Variants in RIC8B observed in about 807,000 individuals in gnomAD.
RIC8B encodes RIC8 guanine nucleotide exchange factor B.
A neutral mutation model predicts 57.5 loss-of-function variants in RIC8B; 16 were observed. The observed-to-expected ratio is 0.28, with a 90% confidence interval of 0.19 to 0.42. RIC8B has a LOEUF of 0.42. RIC8B is among the 10% of genes least tolerant of loss of function. The pLI, the probability that RIC8B is intolerant of heterozygous loss-of-function variation, is 1.00. For missense variants in RIC8B, 481 were observed against 677.0 expected, an observed-to-expected ratio of 0.71 and a Z score of 3.21; for synonymous variants, 216 against 250.8, an observed-to-expected ratio of 0.86 and a Z score of 1.31.
Position 106,862,924 on chromosome 12 carries a change from A to G in RIC8B, c.1451+2512A>G, listed in dbSNP as rs961541876. Reference sequence around the variant, plus strand: ...TAGCACACTTAGAGAAAATATACTCATAGAATTGAGTTACATGCCACATAA... The same window carrying G: ...TAGCACACTTAGAGAAAATATACTCGTAGAATTGAGTTACATGCCACATAA... On this transcript the variant is annotated intron_variant, in intron 8 of 9. Transcript: ENST00000392837. Among the ~76,000 whole-genome samples the G allele has an allele frequency of 2.6e-5, 4 of 152,134 alleles. No individual in the cohort carries two copies. In the East Asian group the frequency reaches 7.7e-4, roughly 29 times the overall value.
chr12:106,821,193 A>G (rs541299252), intron 3 of RIC8B, among the ~76,000 whole-genome samples: 67 of 152,336 alleles, frequency 4.4e-4, no homozygotes, highest in South Asian at 1.0e-3. Context: ...AGTTTAAATT[A>G]CTTAAGGAAA....
At chr12:106,794,595 C>T (rs545704140) in intron 2 of RIC8B, among the ~76,000 whole-genome samples, 2 of 151,990 alleles carry the variant, frequency 1.3e-5, no homozygotes, top group African/African-American at 4.8e-5. Flanking sequence ...GCTGACTTAT[C>T]AGAAATGTAA....
intron 6 of RIC8B, among the ~76,000 whole-genome samples, chr12:106,848,458 T>C (rs1444385171): frequency 6.6e-6 from 1 of 152,146 alleles, no homozygotes; most frequent in African/African-American, 2.4e-5. Context: ...TCCTAGCCAC[T>C]ATGTAGAAAA....
chr12:106,821,187 T>TA (rs1240922172), intron 3 of RIC8B, among the ~76,000 whole-genome samples: 2 of 152,194 alleles, frequency 1.3e-5, no homozygotes, highest in African/African-American at 4.8e-5. Flanking sequence ...TCAGAGAGTT[T>TA]AAATTACTTA....
At chr12:106,857,260 A>G (rs1424364143) in intron 7 of RIC8B, among the ~76,000 whole-genome samples, 1 of 152,190 alleles carries the variant, frequency 6.6e-6, no homozygotes, top group Non-Finnish European at 1.5e-5. Flanking sequence ...CCACTAGTTG[A>G]GTCTTCTAAA....
intron 9 of RIC8B, among the ~76,000 whole-genome samples, chr12:106,875,978 C>T (rs1472010649): frequency 6.6e-6 from 1 of 152,006 alleles, no homozygotes; most frequent in African/African-American, 2.4e-5. Context: ...TTTTACTCTC[C>T]TTACAAAAAT....
At position 106,789,396 on chromosome 12, in the gene RIC8B, C is replaced by T. The variant is rs549914840; in HGVS notation, c.132+5352C>T. ...TCCATATTTTCGGGTATCTTTTCAG[C>T]AACACCCCACTCTACTGGTACCAAC... On this transcript the variant is annotated intron_variant, in intron 2 of 9. Transcript: ENST00000392837. 4.8e-4 allele frequency among the ~76,000 whole-genome samples: 73 copies of T among 152,266 alleles called. 2 individuals are homozygous for T. In the South Asian group the frequency reaches 0.014, roughly 29 times the overall value.
intron 7 of RIC8B, among the ~76,000 whole-genome samples, chr12:106,856,807 T>G (rs1949732212): frequency 6.6e-6 from 1 of 152,196 alleles, no homozygotes; most frequent in Admixed American, 6.5e-5. Context: ...CAAATGCTTG[T>G]GCTCTCTATA....
At chr12:106,842,546 T>C in intron 4 of RIC8B, 43 bp from the exon 5 acceptor site, 1 of 1,459,116 alleles carries the variant, frequency 6.9e-7, no homozygotes, top group Non-Finnish European at 9.6e-7. Flanking sequence ...TAAAGGACTA[T>C]TCAATCAAGT....
chr12:106,798,241 C>G (rs374547631), intron 2 of RIC8B, among the ~76,000 whole-genome samples: 2 of 151,980 alleles, frequency 1.3e-5, no homozygotes, highest in African/African-American at 4.8e-5. Flanking sequence ...AAATTTTGAT[C>G]AGATGCTGAG....
intron 4 of RIC8B, among the ~76,000 whole-genome samples, chr12:106,837,634 C>CT (rs1298629651): frequency 3.7e-4 from 45 of 122,110 alleles, no homozygotes; most frequent in African/African-American, 6.7e-4. Flanking sequence ...ATCTGAAAAT[C>CT]TTTTGTTTTT....
intron 3 of RIC8B, among the ~76,000 whole-genome samples, chr12:106,819,909 G>T (rs1023997283): frequency 6.6e-6 from 1 of 151,808 alleles, no homozygotes; most frequent in African/African-American, 2.4e-5. Context: ...GTTTGCAGTT[G>T]CTTGCTGTTT....
intron 4 of RIC8B, among the ~76,000 whole-genome samples, chr12:106,828,512 T>A (rs2046212291): frequency 6.6e-6 from 1 of 152,202 alleles, no homozygotes; most frequent in South Asian, 2.1e-4. Flanking sequence ...TGCTTTTTTT[T>A]GGACACTTTG....
At chr12:106,808,255 A>C (rs1271448618) in intron 2 of RIC8B, among the ~76,000 whole-genome samples, 1 of 152,182 alleles carries the variant, frequency 6.6e-6, no homozygotes, top group Non-Finnish European at 1.5e-5. Flanking sequence ...CAAAGGTTAT[A>C]TGCAAGTACT....
At chr12:106,858,188 G>A (rs898921436) in intron 7 of RIC8B, among the ~76,000 whole-genome samples, 12 of 151,996 alleles carry the variant, frequency 7.9e-5, no homozygotes, top group African/African-American at 2.2e-4. Flanking sequence ...TCGCCATTTT[G>A]TGTCTTTTTA....
At chr12:106,809,705 A>G (rs2136266078) in intron 2 of RIC8B, among the ~76,000 whole-genome samples, 1 of 152,200 alleles carries the variant, frequency 6.6e-6, no homozygotes, top group African/African-American at 2.4e-5. Flanking sequence ...AAATTTATGG[A>G]TACGTAATAA....
At chr12:106,849,833 C>T (rs975200051) in intron 6 of RIC8B, among the ~76,000 whole-genome samples, 1 of 152,058 alleles carries the variant, frequency 6.6e-6, no homozygotes, top group African/African-American at 2.4e-5. Context: ...ATTTTCTGCC[C>T]TTATTTAAAT....
At chr12:106,834,207 A>G (rs538657431) in intron 4 of RIC8B, among the ~76,000 whole-genome samples, 2 of 152,220 alleles carry the variant, frequency 1.3e-5, no homozygotes, top group Non-Finnish European at 2.9e-5. Flanking sequence ...CAGTTTTTCT[A>G]AAACTAGTTT....
At chr12:106,860,625 C>T (rs888782166) in intron 8 of RIC8B, among the ~76,000 whole-genome samples, 1 of 152,208 alleles carries the variant, frequency 6.6e-6, no homozygotes, top group African/African-American at 2.4e-5. Flanking sequence ...ATATTTTCAA[C>T]GTACTTATTA....
Sources: gnomAD v4.1 joint callset for allele counts (sites outside exome capture counted in the v4.1 genomes callset) on GRCh38, gnomAD v4.1.1 for gene constraint, MANE v1.5 for transcripts, NCBI Gene and HGNC (gene_info 2026-07-23, HGNC 2026-07-21) for gene names.